Variants in IMMP2L observed in about 807,000 individuals in gnomAD.
IMMP2L encodes inner mitochondrial membrane peptidase subunit 2, also known as mitochondrial inner membrane protease subunit 2.
In IMMP2L, 18 loss-of-function variants were observed where a neutral mutation model predicts 19.3. The observed-to-expected ratio is 0.93, with a 90% CI of 0.64 to 1.38. The LOEUF is 1.38. IMMP2L is among the 40% of genes most tolerant of loss of function. The pLI is 0.00. For synonymous variants in IMMP2L, 76 were observed against 73.0 expected, an observed-to-expected ratio of 1.04 and a Z score of -0.21; for missense variants, 233 against 218.2, an observed-to-expected ratio of 1.07 and a Z score of -0.43.
intron 3 of IMMP2L, among the ~76,000 whole-genome samples, chr7:111,162,235 A>G (rs1207137289): frequency 6.6e-6 from 1 of 152,128 alleles, no homozygotes; most frequent in African/African-American, 2.4e-5. Flanking sequence ...ACATGTATGT[A>G]TTTCCAATGA....
intron 3 of IMMP2L, among the ~76,000 whole-genome samples, chr7:111,175,604 C>T (rs1347434969): frequency 6.6e-6 from 1 of 151,460 alleles, no homozygotes; most frequent in Non-Finnish European, 1.5e-5. Context: ...GCCCCTATTT[C>T]TCACCATGTA....
intron 3 of IMMP2L, among the ~76,000 whole-genome samples, chr7:111,107,504 T>C (rs765767391): frequency 6.6e-5 from 10 of 152,002 alleles, no homozygotes; most frequent in Non-Finnish European, 1.5e-4. Context: ...AAAAACTCAA[T>C]ATAAGCATGT....
chr7:111,084,255 G>C (rs1796118113), intron 3 of IMMP2L, among the ~76,000 whole-genome samples: 1 of 145,262 alleles, frequency 6.9e-6, no homozygotes, highest in African/African-American at 2.6e-5. Flanking sequence ...AAGATCCAAA[G>C]TTCCTGTAAT....
intron 3 of IMMP2L, among the ~76,000 whole-genome samples, chr7:111,012,687 G>A (rs1479718502): frequency 6.6e-6 from 1 of 152,040 alleles, no homozygotes; most frequent in Non-Finnish European, 1.5e-5. Flanking sequence ...GGTAAGTTAG[G>A]GTGGACACAT....
intron 3 of IMMP2L, among the ~76,000 whole-genome samples, chr7:111,381,370 C>T (rs998685950): frequency 5.3e-5 from 8 of 152,036 alleles, no homozygotes; most frequent in Non-Finnish European, 7.4e-5. Context: ...TCCCTAGCCA[C>T]GTGTCTACTG....
At position 111,499,642 on chromosome 7, in the gene IMMP2L, T is replaced by C. The variant is rs150772306; in HGVS notation, c.136-12301A>G. Among the ~76,000 whole-genome samples, 723 of 152,282 alleles carry C rather than the reference T, an allele frequency of 4.7e-3. 5 individuals are homozygous for C. Among genetic ancestry groups the C allele is most frequent in the African/African-American group, 0.017 (688 of 41,574 alleles). On this transcript the variant is annotated intron_variant, in intron 2 of 5. Transcript: ENST00000405709. ...GCAATGAAAAAAGCATAGAAGTCAC[T>C]TGTCCATAGAAAGCTTAAAATCCAG... is the stretch of plus-strand genomic sequence containing the variant.
At position 111,181,017 on chromosome 7, in the gene IMMP2L, T is replaced by G. The variant is rs567329203; in HGVS notation, c.240-217452A>C. On this transcript the variant is annotated intron_variant, in intron 3 of 5. Coordinates refer to ENST00000405709, the MANE Select transcript of IMMP2L (RefSeq NM_032549.4). Reference sequence around the variant, plus strand: ...AATATTATACCATATTTCTATACTTTTACTATACCATTATTACTATGTTAT... The same window carrying G: ...AATATTATACCATATTTCTATACTTGTACTATACCATTATTACTATGTTAT... Among the ~76,000 whole-genome samples the G allele has an allele frequency of 3.9e-5, 6 of 152,162 alleles. No homozygotes were observed. In the South Asian group the frequency reaches 1.0e-3, roughly 26 times the overall value.
chr7:111,155,640 G>C (rs1804557166), intron 3 of IMMP2L, among the ~76,000 whole-genome samples: 1 of 145,156 alleles, frequency 6.9e-6, no homozygotes, highest in African/African-American at 2.6e-5. Context: ...ATGGAAACTT[G>C]TGTGCATTGT....
intron 3 of IMMP2L, among the ~76,000 whole-genome samples, chr7:111,160,163 CA>C (rs1201302160): frequency 1.3e-5 from 2 of 151,496 alleles, no homozygotes; most frequent in African/African-American, 2.4e-5. Flanking sequence ...TAAATATATC[CA>C]AAAAAATGCA....
At chr7:111,506,637 C>T (rs778507949) in intron 2 of IMMP2L, among the ~76,000 whole-genome samples, 1 of 152,106 alleles carries the variant, frequency 6.6e-6, no homozygotes, top group Admixed American at 6.5e-5. Context: ...CCTCGTGATC[C>T]ACCTGCCTTG....
intron 3 of IMMP2L, among the ~76,000 whole-genome samples, chr7:111,387,059 T>C (rs776220097): frequency 1.8e-4 from 27 of 152,192 alleles, no homozygotes; most frequent in Non-Finnish European, 2.8e-4. Context: ...TATCTATCTG[T>C]TGTCCTGTAA....
intron 3 of IMMP2L, among the ~76,000 whole-genome samples, chr7:111,119,076 A>C (rs1800256147): frequency 6.6e-6 from 1 of 152,186 alleles, no homozygotes; most frequent in African/African-American, 2.4e-5. Flanking sequence ...TAATATTTCC[A>C]AACCTCTAGT....
At chr7:111,225,547 A>G (rs545395004) in intron 3 of IMMP2L, among the ~76,000 whole-genome samples, 59 of 152,184 alleles carry the variant, frequency 3.9e-4, no homozygotes, top group African/African-American at 1.3e-3. Flanking sequence ...ATCAGATTCC[A>G]CACTGTAAAT....
At chr7:110,796,089 T>C (rs577432650) in intron 5 of IMMP2L, among the ~76,000 whole-genome samples, 68 of 152,208 alleles carry the variant, frequency 4.5e-4, no homozygotes, top group African/African-American at 1.6e-3. Flanking sequence ...CCTTTCACTC[T>C]CATTTCTTCC....
intron 3 of IMMP2L, among the ~76,000 whole-genome samples, chr7:111,321,325 C>A (rs1824686159): frequency 6.6e-6 from 1 of 151,810 alleles, no homozygotes; most frequent in African/African-American, 2.4e-5. Context: ...TAATCAAAAT[C>A]CTGCTTCCGT....
At chr7:111,250,289 T>C (rs111277705) in intron 3 of IMMP2L, among the ~76,000 whole-genome samples, 2,451 of 152,266 alleles carry the variant, frequency 0.016, 66 homozygotes, top group African/African-American at 0.054. Flanking sequence ...TCCATGCTCA[T>C]GGATAGGAAG....
chr7:111,358,597 A>G (rs532924895), intron 3 of IMMP2L, among the ~76,000 whole-genome samples: 2 of 152,244 alleles, frequency 1.3e-5, no homozygotes, highest in South Asian at 2.1e-4. Flanking sequence ...TTCAACACAC[A>G]TATAGTTGCA....
At chr7:111,420,720 T>C (rs1835424705) in intron 3 of IMMP2L, among the ~76,000 whole-genome samples, 1 of 151,718 alleles carries the variant, frequency 6.6e-6, no homozygotes, top group Non-Finnish European at 1.5e-5. Context: ...GCCACATCCC[T>C]GCCAATAACA....
intron 4 of IMMP2L, among the ~76,000 whole-genome samples, chr7:110,933,089 T>C (rs1815691077): frequency 6.6e-6 from 1 of 152,252 alleles, no homozygotes; most frequent in South Asian, 2.1e-4. Flanking sequence ...AACTTTATCA[T>C]GTACAGTTAA....
Sources: gnomAD v4.1 joint callset for allele counts (sites outside exome capture counted in the v4.1 genomes callset) on GRCh38, gnomAD v4.1.1 for gene constraint, MANE v1.5 for transcripts, NCBI Gene and HGNC (gene_info 2026-07-23, HGNC 2026-07-21) for gene names.